ATP10D: variants seen among roughly 807,000 people sequenced by gnomAD.
ATP10D encodes the protein phospholipid-transporting ATPase VD.
In ATP10D, 89 loss-of-function variants were observed where a neutral mutation model predicts 144.8. The ratio of observed to expected loss-of-function variants is 0.61; its 90% CI spans 0.52 to 0.73. The LOEUF is 0.73. Among genes scored for constraint, ATP10D ranks in the 30% least tolerant of loss-of-function variants. The pLI, the probability that ATP10D is intolerant of heterozygous loss-of-function variation, is 0.00. For synonymous variants in ATP10D, 571 were observed against 615.1 expected (o/e 0.93, Z 1.06); for missense variants, 1,603 against 1,714.8 (o/e 0.93, Z 1.15).
intron 5 of ATP10D, among the ~76,000 whole-genome samples, chr4:47,533,469 A>G (rs1717674408): frequency 6.6e-6 from 1 of 152,168 alleles, no homozygotes; most frequent in South Asian, 2.1e-4. Flanking sequence ...TTGTAGTATG[A>G]AACCTTATTT....
At chr4:47,549,767 CG>C (rs1297023891) in intron 10 of ATP10D, among the ~76,000 whole-genome samples, 2 of 152,212 alleles carry the variant, frequency 1.3e-5, no homozygotes, top group South Asian at 2.1e-4. Context: ...AAAGGCTGCC[CG>C]GAAGAGCTAC....
chr4:47,501,666 A>G (rs987262746), intron 1 of ATP10D, among the ~76,000 whole-genome samples: 1 of 152,170 alleles, frequency 6.6e-6, no homozygotes, highest in Non-Finnish European at 1.5e-5. Context: ...TTAAGTAACT[A>G]CTTACTAAGC....
At chr4:47,542,521 A>C (rs7688671) in intron 9 of ATP10D, among the ~76,000 whole-genome samples, 4,494 of 152,254 alleles carry the variant, frequency 0.03, 97 homozygotes, top group Middle Eastern at 0.054. Flanking sequence ...TAGTCTCGCC[A>C]GGTTGCAGTG....
At chr4:47,550,849 G>T (rs959571270) in intron 10 of ATP10D, among the ~76,000 whole-genome samples, 6 of 152,044 alleles carry the variant, frequency 3.9e-5, no homozygotes, top group African/African-American at 7.2e-5. Context: ...GGTCTGCGAT[G>T]GTGGCAAGCA....
At position 47,536,708 on chromosome 4, in the gene ATP10D, A is replaced by G. The variant is rs138737356; in HGVS notation, c.1166A>G (p.Tyr389Cys). The G allele has an allele frequency of 6.2e-6, 10 of 1,610,640 alleles. No individual in the cohort carries two copies. In the East Asian group the frequency reaches 1.8e-4, roughly 29 times the overall value. The change falls in exon 9 of 23, where the codon TAT becomes TGT. Residue 389 changes from tyrosine (Y) to cysteine (C), a missense_variant. Tyr to Cys is a radical substitution (Grantham distance 194, BLOSUM62 -2). Transcript: ENST00000273859. The stretch of plus-strand genomic sequence containing the variant: ...TAGGTCTTGATTCCTATTTCTCTCT[A>G]TGTTTCCATCGAAATTGTGAAGCTT... ...LLQVLIPISL[Y>C]VSIEIVKLGQ...
At position 47,558,019 on chromosome 4, in the gene ATP10D, G is replaced by T; in HGVS notation, c.2180G>T (p.Ser727Ile). The change falls in exon 12 of 23, where the codon AGC becomes ATC. Residue 727 changes from serine to isoleucine, a missense_variant. Ser to Ile is a moderately radical substitution (Grantham distance 142). Transcript: ENST00000273859. ...TGCAACCTGTGTTATGAGGCCGAGA[G>T]CCCAGACGAAGCGGCCTTAGTGTAT... ...LACNLCYEAESPDEAALVYAA... is the reference protein window; with the variant it reads ...LACNLCYEAEIPDEAALVYAA... 6.2e-7 allele frequency: 1 copy of T among 1,614,126 alleles called. No homozygotes were observed. Among genetic ancestry groups the T allele is most frequent in the Non-Finnish European group, 8.5e-7 (1 of 1,180,002 alleles).
At chr4:47,511,289 T>C (rs1291952325) in intron 1 of ATP10D, among the ~76,000 whole-genome samples, 3 of 152,226 alleles carry the variant, frequency 2.0e-5, no homozygotes, top group Admixed American at 6.5e-5. Context: ...AGAACTGTTT[T>C]TTTTTCTTGT....
chr4:47,564,192 A>G (rs1054611731), intron 15 of ATP10D, among the ~76,000 whole-genome samples: 2 of 152,186 alleles, frequency 1.3e-5, no homozygotes, highest in Non-Finnish European at 2.9e-5. Context: ...TGCCCTGGCC[A>G]GCAACCATTA....
intron 3 of ATP10D, among the ~76,000 whole-genome samples, chr4:47,519,853 C>A (rs985027468): frequency 2.0e-5 from 3 of 152,138 alleles, no homozygotes; most frequent in Admixed American, 2.0e-4. Flanking sequence ...AGAGTGGGGA[C>A]CCTATCTTAA....
intron 10 of ATP10D, among the ~76,000 whole-genome samples, chr4:47,554,411 C>T (rs1718872507): frequency 6.6e-6 from 1 of 152,008 alleles, no homozygotes; most frequent in Non-Finnish European, 1.5e-5. Flanking sequence ...ATAAAATCTA[C>T]CTCTGCTATT....
chr4:47,554,718 A>G lies in ATP10D; in HGVS notation c.1636-8A>G. On this transcript the variant is annotated splice_region_variant and splice_polypyrimidine_tract_variant and intron_variant, in intron 10 of 22. Transcript: ENST00000273859. Reference sequence around the variant, plus strand: ...TTATAACAACACACTGTCTTATTGGATCTTCAGGAAACAGACGTGGTACCA... The same window carrying G: ...TTATAACAACACACTGTCTTATTGGGTCTTCAGGAAACAGACGTGGTACCA... 6.3e-7 allele frequency: 1 copy of G among 1,599,530 alleles called. No homozygotes were observed.
chr4:47,540,510 C>A (rs1423842141), intron 9 of ATP10D, among the ~76,000 whole-genome samples: 1 of 152,090 alleles, frequency 6.6e-6, no homozygotes, highest in African/African-American at 2.4e-5. Context: ...CAAGCCACTC[C>A]TTTAAAAGAC....
In ATP10D at chr4:47,522,995, CT is replaced by C. The variant is rs760644127; in HGVS notation, c.486-9del. On this transcript the variant is annotated splice_polypyrimidine_tract_variant and intron_variant, in intron 3 of 22. Coordinates refer to ENST00000273859, the MANE Select transcript of ATP10D (RefSeq NM_020453.4). ...ACTTGATATTCTTTTTTTTTTTTAACTTTTTTTTAATTACAGGAAAGAGAAA... is the reference window on the plus strand; with the variant it reads ...ACTTGATATTCTTTTTTTTTTTTAACTTTTTTTAATTACAGGAAAGAGAAA... 158 of 1,492,256 alleles carry C rather than the reference CT, an allele frequency of 1.1e-4. 1 individual carries two copies. In the East Asian group the frequency reaches 3.2e-3, roughly 30 times the overall value. The allele number at this position is 1,492,256 out of a possible 1,614,324, so 92.4% of individuals were successfully genotyped here. A position where few individuals can be genotyped will look rare whatever the true frequency, so the allele number is the denominator to read the frequency against.
Position 47,516,102 on chromosome 4 carries a change from T to G in ATP10D, c.485+432T>G, listed in dbSNP as rs373946959. Among the ~76,000 whole-genome samples, 1,226 of 152,026 alleles carry G rather than the reference T, an allele frequency of 8.1e-3. 22 individuals are homozygous for G. The highest frequency in any genetic ancestry group is 0.037 in the Admixed American group (567 of 15,276). On this transcript the variant is annotated intron_variant, in intron 3 of 22. Coordinates refer to ENST00000273859, the MANE Select transcript of ATP10D (RefSeq NM_020453.4). ...AAAATTAGCCGGACGTGGTGGCAGG[T>G]GCCTGTAATCCCAGCTACTCAGGAG... is the stretch of plus-strand genomic sequence containing the variant.
At chr4:47,489,950 G>A (rs1235111122) in intron 1 of ATP10D, among the ~76,000 whole-genome samples, 1 of 152,166 alleles carries the variant, frequency 6.6e-6, no homozygotes, top group African/African-American at 2.4e-5. Context: ...GAATGAGGAA[G>A]ATGGGTACTA....
intron 10 of ATP10D, among the ~76,000 whole-genome samples, chr4:47,550,996 G>A (rs1008059338): frequency 5.3e-5 from 8 of 152,244 alleles, no homozygotes; most frequent in Admixed American, 2.6e-4. Flanking sequence ...AGCCGTTGCC[G>A]GCTCCAATGC....
intron 1 of ATP10D, among the ~76,000 whole-genome samples, chr4:47,486,936 T>C (rs751671535): frequency 2.0e-5 from 3 of 152,172 alleles, no homozygotes; most frequent in Non-Finnish European, 4.4e-5. Flanking sequence ...AGTGACTAAA[T>C]AGAATTGAAT....
At chr4:47,503,759 T>C (rs1560411869) in intron 1 of ATP10D, among the ~76,000 whole-genome samples, 1 of 151,744 alleles carries the variant, frequency 6.6e-6, no homozygotes, top group African/African-American at 2.4e-5. Flanking sequence ...ATTAGCTAGA[T>C]GTGGTGGCTC....
At chr4:47,517,925 C>T (rs923559453) in intron 3 of ATP10D, among the ~76,000 whole-genome samples, 1 of 152,030 alleles carries the variant, frequency 6.6e-6, no homozygotes, top group African/African-American at 2.4e-5. Context: ...TTAATAGGCT[C>T]AGGTAATTTT....
Sources: gnomAD v4.1 joint callset for allele counts (sites outside exome capture counted in the v4.1 genomes callset) on GRCh38, gnomAD v4.1.1 for gene constraint, MANE v1.5 for transcripts, NCBI Gene and HGNC (gene_info 2026-07-23, HGNC 2026-07-21) for gene names.